The following INPP4B variants were observed in gnomAD, a reference collection of about 807,000 sequenced individuals.
INPP4B encodes inositol polyphosphate 4-phosphatase type II.
INPP4B carries 55 observed loss-of-function variants against 122.5 expected under a neutral mutation model. The observed-to-expected ratio is 0.45, with a 90% CI of 0.36 to 0.56. The LOEUF (loss-of-function observed/expected upper bound fraction) is 0.56, where lower values mean the gene tolerates loss of function less well. Ranked by LOEUF, INPP4B falls within the 20% of genes least tolerant of loss-of-function variation. The pLI is 0.00. For synonymous variants in INPP4B, 403 were observed against 388.7 expected, an observed-to-expected ratio of 1.04 and a Z score of -0.43; for missense variants, 1,000 against 1,097.7, an observed-to-expected ratio of 0.91 and a Z score of 1.26.
At chr4:142,134,797 CAA>C (rs58297348) in intron 18 of INPP4B, among the ~76,000 whole-genome samples, 9,083 of 50,154 alleles carry the variant, frequency 0.18, 122 homozygotes, top group Non-Finnish European at 0.24. Flanking sequence ...AACTCTGTCT[CAA>C]AAAAAAAAAA....
At chr4:142,680,492 TTATC>T (rs1395607963) in intron 2 of INPP4B, among the ~76,000 whole-genome samples, 1 of 151,808 alleles carries the variant, frequency 6.6e-6, no homozygotes, top group Non-Finnish European at 1.5e-5. Flanking sequence ...AGCTGGGTAT[TTATC>T]TATAAAAAAC....
intron 7 of INPP4B, among the ~76,000 whole-genome samples, chr4:142,326,370 T>A (rs1021502938): frequency 3.3e-5 from 5 of 152,224 alleles, no homozygotes; most frequent in African/African-American, 9.6e-5. Context: ...TCTAAAAATG[T>A]GTTTTATAGG....
intron 12 of INPP4B, among the ~76,000 whole-genome samples, chr4:142,236,954 C>A (rs996964698): frequency 2.6e-5 from 4 of 152,134 alleles, no homozygotes; most frequent in Non-Finnish European, 5.9e-5. Flanking sequence ...GATTTAGAAC[C>A]TTAACAGTAT....
intron 3 of INPP4B, among the ~76,000 whole-genome samples, chr4:142,460,131 G>A (rs185775962): frequency 9.9e-5 from 15 of 152,192 alleles, no homozygotes; most frequent in African/African-American, 3.1e-4. Flanking sequence ...TCAGTCAAGA[G>A]AGCAACAAGA....
intron 7 of INPP4B, among the ~76,000 whole-genome samples, chr4:142,330,638 CT>C (rs1269714810): frequency 6.6e-6 from 1 of 152,182 alleles, no homozygotes; most frequent in Non-Finnish European, 1.5e-5. Context: ...TTCCTGTTCC[CT>C]TAAGCCATTC....
At chr4:142,243,174 G>A (rs964067627) in intron 11 of INPP4B, among the ~76,000 whole-genome samples, 1 of 152,124 alleles carries the variant, frequency 6.6e-6, no homozygotes, top group African/African-American at 2.4e-5. Context: ...ACCCCTTTAT[G>A]TTCTTCCACA....
chr4:142,653,279 A>T (rs1279932624), intron 2 of INPP4B, among the ~76,000 whole-genome samples: 1 of 152,208 alleles, frequency 6.6e-6, no homozygotes, highest in Non-Finnish European at 1.5e-5. Context: ...CCTAGAAGAA[A>T]ACCTAGGCAA....
intron 7 of INPP4B, among the ~76,000 whole-genome samples, chr4:142,364,903 T>C (rs2148605790): frequency 6.6e-6 from 1 of 152,182 alleles, no homozygotes; most frequent in South Asian, 2.1e-4. Flanking sequence ...GACAACTAAC[T>C]GTACCTTTTC....
At chr4:142,605,640 A>G (rs1250296117) in intron 2 of INPP4B, among the ~76,000 whole-genome samples, 1 of 151,962 alleles carries the variant, frequency 6.6e-6, no homozygotes, top group Non-Finnish European at 1.5e-5. Flanking sequence ...ATTTTTCAAA[A>G]AAAAAGGGGG....
At chr4:142,804,529 G>A (rs1376630716) in intron 1 of INPP4B, among the ~76,000 whole-genome samples, 1 of 152,136 alleles carries the variant, frequency 6.6e-6, no homozygotes, top group African/African-American at 2.4e-5. Flanking sequence ...GCTGCTTAAA[G>A]TTACAACCGT....
intron 11 of INPP4B, among the ~76,000 whole-genome samples, chr4:142,249,428 T>C (rs1208623799): frequency 6.6e-6 from 1 of 152,140 alleles, no homozygotes; most frequent in Non-Finnish European, 1.5e-5. Context: ...TTTTTTAATG[T>C]TCTATCACTG....
chr4:142,196,608 C>T (rs1367119571), intron 14 of INPP4B, among the ~76,000 whole-genome samples: 2 of 152,102 alleles, frequency 1.3e-5, no homozygotes, highest in African/African-American at 4.8e-5. Context: ...TCACCTTCCC[C>T]ATTTTCTGTC....
At chr4:142,761,895 C>T (rs944174449) in intron 1 of INPP4B, among the ~76,000 whole-genome samples, 1 of 152,140 alleles carries the variant, frequency 6.6e-6, no homozygotes, top group Non-Finnish European at 1.5e-5. Flanking sequence ...TCTCAAAATA[C>T]AGCAGGGCCA....
chr4:142,357,331 C>T (rs767732141), intron 7 of INPP4B, among the ~76,000 whole-genome samples: 4 of 151,930 alleles, frequency 2.6e-5, no homozygotes, highest in Admixed American at 1.3e-4. Flanking sequence ...TCTTTGCTAA[C>T]GGCACTGGTT....
intron 5 of INPP4B, among the ~76,000 whole-genome samples, chr4:142,423,423 C>T (rs1323708781): frequency 1.3e-5 from 2 of 151,756 alleles, no homozygotes; most frequent in Admixed American, 6.6e-5. Context: ...CTTTTTTTTC[C>T]CCTAAATGGG....
chr4:142,650,478 G>C (rs944935036), intron 2 of INPP4B, among the ~76,000 whole-genome samples: 12 of 151,602 alleles, frequency 7.9e-5, no homozygotes, highest in African/African-American at 2.9e-4. Flanking sequence ...ACCCATCTCA[G>C]GTACAGAGAC....
intron 1 of INPP4B, among the ~76,000 whole-genome samples, chr4:142,802,924 C>T (rs1778194793): frequency 6.6e-6 from 1 of 151,824 alleles, no homozygotes; most frequent in Non-Finnish European, 1.5e-5. Context: ...AATCCCAGCA[C>T]TTTGGGAGGC....
chr4:142,592,289 G>T (rs1055659924), intron 2 of INPP4B, among the ~76,000 whole-genome samples: 1 of 152,142 alleles, frequency 6.6e-6, no homozygotes, highest in Non-Finnish European at 1.5e-5. Flanking sequence ...ATTGCTTTTA[G>T]AATGGTTTCT....
chr4:142,155,741 T>G (rs1253586192), intron 17 of INPP4B, among the ~76,000 whole-genome samples: 1 of 152,026 alleles, frequency 6.6e-6, no homozygotes, highest in African/African-American at 2.4e-5. Flanking sequence ...CAAAATGAAC[T>G]GTATAAAATT....
Sources: allele counts gnomAD v4.1 joint callset (sites outside exome capture counted in the v4.1 genomes callset), GRCh38; gene constraint gnomAD v4.1.1; transcripts MANE v1.5; gene names NCBI Gene and HGNC (gene_info 2026-07-23, HGNC 2026-07-21).